COLEC10: variants seen among roughly 807,000 people sequenced by gnomAD.
COLEC10 encodes collectin-10.
Under a neutral mutation model 28.4 loss-of-function variants are expected in COLEC10, and 22 were observed. That is an observed-to-expected ratio of 0.78 (90% CI 0.55 to 1.11). The LOEUF (loss-of-function observed/expected upper bound fraction) is 1.11, where lower values mean the gene tolerates loss of function less well. COLEC10 is among the 50% of genes least tolerant of loss of function. The pLI is 0.00. For missense variants in COLEC10, 361 were observed against 344.1 expected (o/e 1.05, Z -0.39); for synonymous variants, 125 against 116.1 (o/e 1.08, Z -0.49).
At chr8:119,072,274 G>A (rs543948297) in intron 1 of COLEC10, among the ~76,000 whole-genome samples, 75 of 150,654 alleles carry the variant, frequency 5.0e-4, no homozygotes, top group African/African-American at 1.8e-3. Context: ...CACACATTGA[G>A]TAGCTGAGCA....
At chr8:119,008,474 C>CT (rs1177138292) in intron 1 of COLEC10, among the ~76,000 whole-genome samples, 7 of 108,676 alleles carry the variant, frequency 6.4e-5, no homozygotes, top group South Asian at 3.4e-4. Flanking sequence ...TTTATTTTTA[C>CT]TTTTTATTTT....
intron 1 of COLEC10, among the ~76,000 whole-genome samples, chr8:119,001,001 T>A (rs779440670): frequency 9.2e-5 from 14 of 151,944 alleles, no homozygotes; most frequent in Non-Finnish European, 1.9e-4. Context: ...GGCAGAGGAG[T>A]TATGGTCTGG....
chr8:118,952,855 C>T, the COLEC10 span, among the ~76,000 whole-genome samples: 1 of 152,218 alleles, frequency 6.6e-6, no homozygotes, highest in Non-Finnish European at 1.5e-5. Context: ...AGAAGTTAGA[C>T]TTGATGACTT....
the COLEC10 span, among the ~76,000 whole-genome samples, chr8:118,985,449 C>T: frequency 6.6e-6 from 1 of 151,998 alleles, no homozygotes; most frequent in Admixed American, 6.6e-5. Context: ...AAAAAAGCGG[C>T]TTCTGAGCCT....
intron 1 of COLEC10, among the ~76,000 whole-genome samples, chr8:119,081,412 T>C (rs1234295022): frequency 6.6e-6 from 1 of 152,214 alleles, no homozygotes; most frequent in Non-Finnish European, 1.5e-5. Context: ...ATATTAAAAA[T>C]ATTACTAATT....
chr8:119,103,990 C>A, intron 5 of COLEC10, 95 bp downstream of exon 5: 2 of 902,318 alleles, frequency 2.2e-6, no homozygotes, highest in Non-Finnish European at 3.6e-6. Context: ...TTGAGTTGGA[C>A]AAAGGGCTAT....
chr8:119,058,286 G>A (rs1162971780), intron 2 of COLEC10, among the ~76,000 whole-genome samples: 1 of 151,896 alleles, frequency 6.6e-6, no homozygotes, highest in East Asian at 1.9e-4. Context: ...TAAATTATAT[G>A]TCATAAAATT....
At position 119,054,467 on chromosome 8, in the gene COLEC10, G is replaced by C. The variant is rs555156337; in HGVS notation, n.236-35213G>C. ...GATAAGTGATGATGATATTCATTTA[G>C]GAAGCATGTAAGAGATAAAGAGTCA... is the stretch of plus-strand genomic sequence containing the variant. On this transcript the variant is annotated intron_variant and non_coding_transcript_variant, in intron 2 of 6. Coordinates refer to the COLEC10 transcript ENST00000521788. 2.4e-4 allele frequency among the ~76,000 whole-genome samples: 36 copies of C among 152,220 alleles called. No homozygotes were observed. The South Asian group carries it at 7.5e-3, about 32-fold the overall frequency.
the COLEC10 span, among the ~76,000 whole-genome samples, chr8:118,958,135 G>A: frequency 1.3e-5 from 2 of 152,160 alleles, no homozygotes; most frequent in Non-Finnish European, 2.9e-5. Context: ...TGGCTCCAGA[G>A]GAATATGAAC....
At chr8:118,990,641 T>C (rs1334201680), upstream of COLEC10, among the ~76,000 whole-genome samples, 1 of 152,152 alleles carries the variant, frequency 6.6e-6, no homozygotes, top group East Asian at 1.9e-4. Flanking sequence ...TTAAACACCA[T>C]CTTCATTTTG....
intron 3 of COLEC10, among the ~76,000 whole-genome samples, chr8:119,095,963 A>G (rs1230362292): frequency 6.6e-6 from 1 of 152,206 alleles, no homozygotes; most frequent in African/African-American, 2.4e-5. Context: ...CCAGAAACAC[A>G]CTACCAAACT....
At chr8:119,059,023 A>G (rs542228946) in intron 2 of COLEC10, among the ~76,000 whole-genome samples, 22 of 152,060 alleles carry the variant, frequency 1.4e-4, no homozygotes, top group Non-Finnish European at 2.6e-4. Flanking sequence ...CTTTTTGTGT[A>G]TGCATTAGCT....
At chr8:119,074,710 T>C (rs1815191821) in intron 1 of COLEC10, among the ~76,000 whole-genome samples, 2 of 152,344 alleles carry the variant, frequency 1.3e-5, no homozygotes, top group South Asian at 4.1e-4. Context: ...AGTCAACTTT[T>C]ATTTGTCAAG....
the COLEC10 span, among the ~76,000 whole-genome samples, chr8:118,952,420 G>A: frequency 6.6e-6 from 1 of 152,226 alleles, no homozygotes; most frequent in African/African-American, 2.4e-5. Flanking sequence ...CCTTCACTTC[G>A]GGTTCTGAAA....
intron 3 of COLEC10, among the ~76,000 whole-genome samples, chr8:119,097,795 G>T (rs1815750433): frequency 6.6e-6 from 1 of 152,012 alleles, no homozygotes; most frequent in Non-Finnish European, 1.5e-5. Flanking sequence ...TGCTCGTATT[G>T]CTCTGCAGAG....
exon 2 of COLEC10, chr8:119,009,531 T>C (rs1241089320): frequency 6.6e-6 from 1 of 151,088 alleles, no homozygotes; most frequent in Non-Finnish European, 1.5e-5. Flanking sequence ...CCATGCTTTT[T>C]GGACTTCCCA....
intron 4 of COLEC10, chr8:119,102,646 C>G (rs879630695): frequency 2.8e-5 from 11 of 399,868 alleles, no homozygotes; most frequent in African/African-American, 2.1e-4. Context: ...GAAAGCCCAG[C>G]CCATCAGGAA....
chr8:118,977,064 C>A, the COLEC10 span, among the ~76,000 whole-genome samples: 1 of 150,698 alleles, frequency 6.6e-6, no homozygotes, highest in African/African-American at 2.4e-5. Context: ...CATCTCACAC[C>A]AGTTAGAATG....
intron 2 of COLEC10, among the ~76,000 whole-genome samples, chr8:119,016,582 G>C (rs4385490): frequency 6.6e-6 from 1 of 152,196 alleles, no homozygotes; most frequent in African/African-American, 2.4e-5. Context: ...TTCGGTACTA[G>C]ATCCTTAAGA....
Sources: gnomAD v4.1 joint callset for allele counts (sites outside exome capture counted in the v4.1 genomes callset) on GRCh38, gnomAD v4.1.1 for gene constraint, MANE v1.5 for transcripts, NCBI Gene and HGNC (gene_info 2026-07-23, HGNC 2026-07-21) for gene names.